NCKAP5: variants seen among roughly 807,000 people sequenced by gnomAD.
NCKAP5 encodes the protein NCK associated protein 5.
Under a neutral mutation model 167.0 loss-of-function variants are expected in NCKAP5, and 92 were observed. That is an observed-to-expected ratio of 0.55 (90% CI 0.47 to 0.66). The LOEUF (loss-of-function observed/expected upper bound fraction) is 0.66. Among genes scored for constraint, NCKAP5 ranks in the 30% least tolerant of loss-of-function variants. NCKAP5 has a pLI of 0.00. For missense variants in NCKAP5, 2,378 were observed against 2,315.0 expected (o/e 1.03, Z -0.56); for synonymous variants, 891 against 877.4 (o/e 1.02, Z -0.27).
intron 17 of NCKAP5, among the ~76,000 whole-genome samples, chr2:132,730,228 T>G (rs1240509516): frequency 2.0e-5 from 3 of 152,172 alleles, no homozygotes; most frequent in Non-Finnish European, 2.9e-5. Context: ...GTGCGGTGGC[T>G]CATGACTGTA....
intron 3 of NCKAP5, among the ~76,000 whole-genome samples, chr2:133,431,425 G>A (rs1690153298): frequency 6.6e-6 from 1 of 152,146 alleles, no homozygotes; most frequent in Non-Finnish European, 1.5e-5. Flanking sequence ...GAAGAGGAGA[G>A]AGGTGTAGAC....
At chr2:133,347,888 C>G (rs1436152238) in intron 3 of NCKAP5, among the ~76,000 whole-genome samples, 1 of 152,222 alleles carries the variant, frequency 6.6e-6, no homozygotes, top group Non-Finnish European at 1.5e-5. Context: ...TAGAGTCCTT[C>G]TTTGGTAATT....
At chr2:133,153,488 T>TA (rs1050010004) in intron 5 of NCKAP5, among the ~76,000 whole-genome samples, 2 of 152,082 alleles carry the variant, frequency 1.3e-5, no homozygotes, top group Admixed American at 1.3e-4. Flanking sequence ...TGATTTTTTT[T>TA]AAAAAATAAA....
At chr2:133,196,836 C>T (rs1169948934) in intron 5 of NCKAP5, among the ~76,000 whole-genome samples, 1 of 152,140 alleles carries the variant, frequency 6.6e-6, no homozygotes, top group East Asian at 1.9e-4. Context: ...TTCCTAGTTT[C>T]CCTTCTCTTG....
At chr2:133,154,479 G>A (rs2083500368) in intron 5 of NCKAP5, among the ~76,000 whole-genome samples, 1 of 152,230 alleles carries the variant, frequency 6.6e-6, no homozygotes, top group Non-Finnish European at 1.5e-5. Flanking sequence ...CATGTGAGCT[G>A]AAGGTATAAC....
At chr2:133,383,414 A>G (rs1175735200) in intron 3 of NCKAP5, among the ~76,000 whole-genome samples, 1 of 152,208 alleles carries the variant, frequency 6.6e-6, no homozygotes, top group Non-Finnish European at 1.5e-5. Context: ...TTATGACTGC[A>G]TAGTATTCCA....
Position 133,061,011 on chromosome 2 carries a change from C to G in NCKAP5, c.342-66772G>C, listed in dbSNP as rs370923850. On this transcript the variant is annotated intron_variant, in intron 6 of 19. Transcript: ENST00000409261. The stretch of plus-strand genomic sequence containing the variant: ...ATAGAAAAAGCACATCCAGAATGAC[C>G]ACTAAAAAGAGAAAAAGCAAAAGCA... Among the ~76,000 whole-genome samples, 3 of 151,490 alleles carry G rather than the reference C, an allele frequency of 2.0e-5. No individual in the cohort carries two copies. The East Asian group carries it at 5.8e-4, about 29-fold the overall frequency.
intron 6 of NCKAP5, among the ~76,000 whole-genome samples, chr2:133,088,452 C>T (rs987698980): frequency 1.3e-5 from 2 of 152,194 alleles, no homozygotes; most frequent in African/African-American, 4.8e-5. Flanking sequence ...TAACACCAAG[C>T]TGTTCCTGTC....
chr2:132,757,873 G>C (rs1378201929), intron 16 of NCKAP5, among the ~76,000 whole-genome samples: 3 of 152,200 alleles, frequency 2.0e-5, no homozygotes, highest in Non-Finnish European at 2.9e-5. Context: ...AGACTTGCTT[G>C]CTGGATGAGT....
chr2:132,888,803 A>C (rs1692454430), intron 8 of NCKAP5, among the ~76,000 whole-genome samples: 1 of 152,268 alleles, frequency 6.6e-6, no homozygotes, highest in African/African-American at 2.4e-5. Flanking sequence ...GAGGAGACTG[A>C]GGTTTTGCCC....
chr2:132,969,398 C>T (rs1012455210), intron 7 of NCKAP5, among the ~76,000 whole-genome samples: 1 of 152,148 alleles, frequency 6.6e-6, no homozygotes, highest in East Asian at 1.9e-4. Flanking sequence ...TCATTAGTGT[C>T]TAGCCTGAAT....
At chr2:133,082,022 C>A (rs959824132) in intron 6 of NCKAP5, among the ~76,000 whole-genome samples, 6 of 151,960 alleles carry the variant, frequency 3.9e-5, no homozygotes, top group African/African-American at 1.5e-4. Flanking sequence ...GTTTTTCGAT[C>A]CTCTCCCTCC....
At chr2:132,769,849 G>T (rs1017169156) in intron 16 of NCKAP5, among the ~76,000 whole-genome samples, 2 of 152,202 alleles carry the variant, frequency 1.3e-5, no homozygotes, top group African/African-American at 4.8e-5. Flanking sequence ...AAAGGTAAAT[G>T]ACTAGAGTGC....
At chr2:133,088,832 CACCT>C (rs1194958650) in intron 6 of NCKAP5, among the ~76,000 whole-genome samples, 1 of 152,140 alleles carries the variant, frequency 6.6e-6, no homozygotes, top group Non-Finnish European at 1.5e-5. Flanking sequence ...CAGAAGCTCG[CACCT>C]ACCTATAATG....
chr2:133,072,226 C>T, intron 6 of NCKAP5, among the ~76,000 whole-genome samples: 1 of 152,084 alleles, frequency 6.6e-6, no homozygotes, highest in Admixed American at 6.5e-5. Flanking sequence ...GCTGGGATTA[C>T]AGCTGTGCAC....
chr2:133,537,489 T>C (rs1236588301), intron 2 of NCKAP5, among the ~76,000 whole-genome samples: 3 of 152,264 alleles, frequency 2.0e-5, no homozygotes, highest in East Asian at 1.9e-4. Context: ...GTTTTATAAG[T>C]TTTAGTGTAC....
Position 132,812,499 on chromosome 2 carries a change from C to T in NCKAP5, c.808-15770G>A, listed in dbSNP as rs545834097. 1.4e-3 allele frequency among the ~76,000 whole-genome samples: 210 copies of T among 152,254 alleles called. 1 individual carries two copies. Among genetic ancestry groups the T allele is most frequent in the African/African-American group, 4.8e-3 (199 of 41,552 alleles). ...CTGCCACTATATTGTCTTATCCGTG[C>T]TTGAATGTTGGGGTACAATGATGAA... On this transcript the variant is annotated intron_variant, in intron 11 of 19. Transcript: ENST00000409261.
At chr2:133,004,495 C>T (rs1252135047) in intron 6 of NCKAP5, among the ~76,000 whole-genome samples, 1 of 151,996 alleles carries the variant, frequency 6.6e-6, no homozygotes, top group East Asian at 1.9e-4. Context: ...ACCTGAGCTG[C>T]AAAACCAGCA....
chr2:132,680,319 G>C (rs1685057048), intron 19 of NCKAP5, among the ~76,000 whole-genome samples: 1 of 152,060 alleles, frequency 6.6e-6, no homozygotes. Flanking sequence ...TTCTTACTGG[G>C]GTCCTAGAGA....
Sources: allele counts gnomAD v4.1 joint callset (sites outside exome capture counted in the v4.1 genomes callset), GRCh38; gene constraint gnomAD v4.1.1; transcripts MANE v1.5; gene names NCBI Gene and HGNC (gene_info 2026-07-23, HGNC 2026-07-21).